KCTD20: variants seen among roughly 807,000 people sequenced by gnomAD.
KCTD20 encodes the protein BTB/POZ domain-containing protein KCTD20.
A neutral mutation model predicts 39.6 loss-of-function variants in KCTD20; 30 were observed. The ratio of observed to expected loss-of-function variants is 0.76; its 90% CI spans 0.57 to 1.03. The LOEUF (loss-of-function observed/expected upper bound fraction) is 1.03, where lower values mean the gene tolerates loss of function less well. Among genes scored for constraint, KCTD20 ranks in the 50% least tolerant of loss-of-function variants. KCTD20 has a pLI of 0.00. For synonymous variants in KCTD20, 162 were observed against 180.6 expected, an observed-to-expected ratio of 0.90 and a Z score of 0.83; for missense variants, 422 against 522.0, an observed-to-expected ratio of 0.81 and a Z score of 1.87.
intron 1 of KCTD20, among the ~76,000 whole-genome samples, chr6:36,446,352 A>G (rs181635048): frequency 6.6e-6 from 1 of 152,278 alleles, no homozygotes; most frequent in Admixed American, 6.5e-5. Flanking sequence ...TTAAAAAAAT[A>G]TTAAATAAAG....
In KCTD20 at chr6:36,487,911, A is replaced by C. The variant is rs1582384348; in HGVS notation, c.*736A>C. 6.6e-6 allele frequency: 1 copy of C among 152,340 alleles called. No homozygotes were observed. The highest frequency in any genetic ancestry group is 2.1e-4 in the South Asian group (1 of 4,830). 9.4% of individuals were successfully genotyped at this position (152,340 alleles called of 1,614,324 possible). A position where few individuals can be genotyped will look rare whatever the true frequency, so the allele number is the denominator to read the frequency against. On this transcript the variant is annotated 3_prime_UTR_variant, in exon 8 of 8. Transcript: ENST00000373731. ...CATTTGGAATGAAACTCACAATGCA[A>C]GTAGAAGGACCTCTCCAAATCAGGC...
chr6:36,443,294 G>A, intron 1 of KCTD20, 183 bp downstream of exon 1: 1 of 151,750 alleles, frequency 6.6e-6, no homozygotes, highest in Non-Finnish European at 1.5e-5. Flanking sequence ...GTGGGCAGCG[G>A]CTTGATGGGC....
intron 3 of KCTD20, among the ~76,000 whole-genome samples, chr6:36,476,663 C>T (rs969044982): frequency 2.0e-5 from 3 of 151,984 alleles, no homozygotes; most frequent in Admixed American, 6.6e-5. Context: ...CTCCTGACCT[C>T]GTGATCCGCC....
At chr6:36,465,029 G>C (rs372253334) in intron 1 of KCTD20, among the ~76,000 whole-genome samples, 12 of 152,134 alleles carry the variant, frequency 7.9e-5, no homozygotes, top group African/African-American at 2.7e-4. Context: ...ATGAAATGGT[G>C]GCTCACGCCT....
chr6:36,485,666 TG>T (rs1776397356), intron 7 of KCTD20, among the ~76,000 whole-genome samples: 1 of 152,052 alleles, frequency 6.6e-6, no homozygotes, highest in African/African-American at 2.4e-5. Context: ...GCTAATTTCT[TG>T]TATTTTTAGT....
intron 1 of KCTD20, among the ~76,000 whole-genome samples, chr6:36,463,585 T>G (rs575864507): frequency 1.3e-5 from 2 of 152,260 alleles, no homozygotes; most frequent in South Asian, 4.1e-4. Flanking sequence ...GGTGATACCA[T>G]TAAGAGGGGA....
At chr6:36,444,086 G>A (rs1018868462) in intron 1 of KCTD20, among the ~76,000 whole-genome samples, 29 of 152,206 alleles carry the variant, frequency 1.9e-4, no homozygotes, top group African/African-American at 6.8e-4. Flanking sequence ...TGAAACAGAA[G>A]ATTGTTCCTT....
At chr6:36,473,716 T>C (rs1775979851) in intron 2 of KCTD20, among the ~76,000 whole-genome samples, 1 of 151,886 alleles carries the variant, frequency 6.6e-6, no homozygotes, top group African/African-American at 2.4e-5. Context: ...GAGCTTGCAG[T>C]GAGCTGAGAT....
intron 1 of KCTD20, chr6:36,465,774 T>C (rs1775735260): frequency 1.3e-5 from 2 of 152,204 alleles, no homozygotes; most frequent in Non-Finnish European, 2.9e-5. Context: ...ATATATACTC[T>C]TAAAATATAT....
At chr6:36,471,614 A>G (rs4711453) in intron 2 of KCTD20, among the ~76,000 whole-genome samples, 58,254 of 151,964 alleles carry the variant, frequency 0.38, 12,278 homozygotes, top group East Asian at 0.54. Flanking sequence ...GGAGGTAGTG[A>G]GCTGAGATGA....
chr6:36,483,338 A>C (rs9470289), intron 6 of KCTD20, among the ~76,000 whole-genome samples: 33,992 of 138,930 alleles, frequency 0.24, 4,215 homozygotes, highest in East Asian at 0.4. Flanking sequence ...TCAACCTCCC[A>C]AGAAGCTGGG....
chr6:36,472,152 T>C (rs1294350696), intron 2 of KCTD20, among the ~76,000 whole-genome samples: 1 of 152,050 alleles, frequency 6.6e-6, no homozygotes, highest in Non-Finnish European at 1.5e-5. Flanking sequence ...CCGGCCCAGG[T>C]ATCTATTTCG....
At chr6:36,470,291 G>T (rs1235439892) in intron 2 of KCTD20, 34 bp downstream of exon 2, 1 of 1,571,534 alleles carries the variant, frequency 6.4e-7, no homozygotes, top group Non-Finnish European at 8.7e-7. Context: ...AATTTGGGGG[G>T]CTTTCCAATA....
chr6:36,454,936 C>T lies in KCTD20; in HGVS notation c.-47+11825C>T, dbSNP rs570778178. Among the ~76,000 whole-genome samples, 90 of 152,126 alleles carry T rather than the reference C, an allele frequency of 5.9e-4. 2 individuals carry two copies. The South Asian group carries it at 0.014, about 24-fold the overall frequency. ...GTGCTAGGATTACAGGCATGAGCCA[C>T]CGTGCCCGGCCTACTTTATGGCTCT... On this transcript the variant is annotated intron_variant, in intron 1 of 7. Coordinates refer to ENST00000373731, the MANE Select transcript of KCTD20 (RefSeq NM_173562.5).
chr6:36,452,541 CTTTTTTTT>C (rs57480327), intron 1 of KCTD20: 30 of 126,930 alleles, frequency 2.4e-4, no homozygotes, highest in Non-Finnish European at 2.4e-4. Flanking sequence ...TCTTCATTTT[CTTTTTTTT>C]TTTTTTTTTT....
rs1775863836 is a variant in KCTD20, at chr6:36,469,976, G to A, written c.-46-76G>A. On this transcript the variant is annotated intron_variant, in intron 1 of 7. Transcript: ENST00000373731. The surrounding 1 kb of genome is among the most constrained non-coding windows in gnomAD (Gnocchi z 4.6). The stretch of plus-strand genomic sequence containing the variant: ...AGGAATGCTAGCTGTCAGTTTTCTA[G>A]TTTTGCTTTCATACCATGGAATTCC... 1.2e-6 allele frequency: 1 copy of A among 830,080 alleles called. No individual in the cohort carries two copies. Among genetic ancestry groups the A allele is most frequent in the South Asian group, 3.4e-5 (1 of 29,006 alleles). The allele number at this position is 830,080 out of a possible 1,614,324, so 51.4% of individuals were successfully genotyped here. A position where few individuals can be genotyped will look rare whatever the true frequency, so the allele number is the denominator to read the frequency against.
chr6:36,448,015 G>GTGTATGTGTATATA lies in KCTD20; in HGVS notation c.-47+4905_-47+4906insGTATGTGTATATAT, dbSNP rs559687288. ...CCAAAATATATGTGTATGTGTGTGT[G>GTGTATGTGTATATA]TATATATATATATATATATATATAT... On this transcript the variant is annotated intron_variant, in intron 1 of 7. Transcript: ENST00000373731. Among the ~76,000 whole-genome samples the GTGTATGTGTATATA allele has an allele frequency of 6.2e-5, 8 of 128,954 alleles. 1 individual carries two copies. Among genetic ancestry groups the GTGTATGTGTATATA allele is most frequent in the African/African-American group, 2.8e-4 (8 of 29,036 alleles). 84.6% of individuals were successfully genotyped at this position (128,954 alleles called of 152,430 possible).
chr6:36,485,330 T>G lies in KCTD20; in HGVS notation c.967+506T>G, dbSNP rs1310855017. Among the ~76,000 whole-genome samples the G allele has an allele frequency of 2.6e-5, 4 of 152,008 alleles. No individual in the cohort carries two copies. The East Asian group carries it at 7.7e-4, about 29-fold the overall frequency. ...ACTTCATCTCAAAAAAAAAAAAAGA[T>G]TATTCCATACTTTTGAGGAATGTCT... On this transcript the variant is annotated intron_variant, in intron 7 of 7. Coordinates refer to ENST00000373731, the MANE Select transcript of KCTD20 (RefSeq NM_173562.5).
Position 36,482,562 on chromosome 6 carries a change from A to G in KCTD20, c.856+803A>G, listed in dbSNP as rs538802576. 3.9e-5 allele frequency among the ~76,000 whole-genome samples: 6 copies of G among 152,274 alleles called. No individual in the cohort carries two copies. The South Asian group carries it at 1.0e-3, about 26-fold the overall frequency. ...TGTGAGACTCCATCTCAAAAAAACA[A>G]AAGAAAAATCTTCAACATTCTTTTT... On this transcript the variant is annotated intron_variant, in intron 6 of 7. Transcript: ENST00000373731.
Sources: gnomAD v4.1 joint callset for allele counts (sites outside exome capture counted in the v4.1 genomes callset) on GRCh38, gnomAD v4.1.1 for gene constraint, Gnocchi (gnomAD v3.1) non-coding constraint, MANE v1.5 for transcripts, NCBI Gene and HGNC (gene_info 2026-07-23, HGNC 2026-07-21) for gene names.